Variants in MDFIC observed in about 807,000 individuals in gnomAD.
The protein encoded by MDFIC is myoD family inhibitor domain-containing protein.
MDFIC carries 17 observed loss-of-function variants against 23.2 expected under a neutral mutation model. The observed-to-expected ratio is 0.73, with a 90% CI of 0.50 to 1.10. MDFIC has a LOEUF of 1.10. Ranked by LOEUF, MDFIC falls within the 50% of genes least tolerant of loss-of-function variation. MDFIC has a pLI of 0.00. For synonymous variants in MDFIC, 120 were observed against 115.2 expected, an observed-to-expected ratio of 1.04 and a Z score of -0.27; for missense variants, 356 against 316.6, an observed-to-expected ratio of 1.12 and a Z score of -0.95.
chr7:114,952,152 G>A (rs533931379), intron 3 of MDFIC, among the ~76,000 whole-genome samples: 1 of 152,214 alleles, frequency 6.6e-6, no homozygotes, highest in Non-Finnish European at 1.5e-5. Flanking sequence ...CAGGAAAGAA[G>A]GAGTTTTTCT....
At chr7:114,934,808 C>T (rs1186329196) in intron 2 of MDFIC, among the ~76,000 whole-genome samples, 1 of 152,094 alleles carries the variant, frequency 6.6e-6, no homozygotes, top group Non-Finnish European at 1.5e-5. Context: ...TGTTTAAATG[C>T]TTTGGTTATC....
intron 3 of MDFIC, among the ~76,000 whole-genome samples, chr7:114,976,590 A>G (rs1793320273): frequency 6.6e-6 from 1 of 152,124 alleles, no homozygotes; most frequent in African/African-American, 2.4e-5. Context: ...TTACTTTTAG[A>G]CTATTATTCC....
chr7:115,012,180 A>G (rs985917551), intron 4 of MDFIC, among the ~76,000 whole-genome samples: 2 of 152,228 alleles, frequency 1.3e-5, no homozygotes, highest in Non-Finnish European at 2.9e-5. Flanking sequence ...ATCATTTAAC[A>G]AAGGACCAGT....
At chr7:114,999,544 G>A (rs1791416508) in intron 4 of MDFIC, among the ~76,000 whole-genome samples, 1 of 151,824 alleles carries the variant, frequency 6.6e-6, no homozygotes, top group Admixed American at 6.6e-5. Flanking sequence ...TACATATAGT[G>A]TTAAACTATT....
intron 3 of MDFIC, 95 bp downstream of exon 3, chr7:114,942,492 C>T (rs887138337): frequency 4.5e-5 from 43 of 958,264 alleles, no homozygotes; most frequent in South Asian, 7.4e-5. Context: ...GCTACAAATC[C>T]GTAAATCAAC....
chr7:114,935,509 G>A (rs1792407850), intron 2 of MDFIC, among the ~76,000 whole-genome samples: 1 of 139,312 alleles, frequency 7.2e-6, no homozygotes, highest in African/African-American at 2.5e-5. Flanking sequence ...TGGGTAACAA[G>A]TAGAAAATGT....
rs1312233825 is a variant in MDFIC at position 114,942,371 on chromosome 7, A to G, written c.191A>G (p.Asn64Ser). Residue 64 changes from asparagine to serine, a missense_variant, in exon 3 of 5, where the codon AAT becomes AGT. Coordinates refer to ENST00000393486, the MANE Select transcript of MDFIC (RefSeq NM_001166345.3). ...GEMQDQSIWGNPSDGELIRTQ... is the reference protein window; with the variant it reads ...GEMQDQSIWGSPSDGELIRTQ... Reference sequence around the variant, plus strand: ...ATGCAAGACCAGTCCATTTGGGGAAATCCTTCGGATGGTGAACTCATTAGA... The same window carrying G: ...ATGCAAGACCAGTCCATTTGGGGAAGTCCTTCGGATGGTGAACTCATTAGA... 4 of 1,602,038 alleles carry G rather than the reference A, an allele frequency of 2.5e-6. No homozygotes were observed. Among genetic ancestry groups the G allele is most frequent in the South Asian group, 1.1e-5 (1 of 88,306 alleles).
intron 3 of MDFIC, among the ~76,000 whole-genome samples, chr7:114,950,272 G>A (rs1406694117): frequency 3.9e-5 from 6 of 152,134 alleles, no homozygotes; most frequent in Non-Finnish European, 7.4e-5. Flanking sequence ...GGAGGAGATG[G>A]ATTCAGCTTT....
At chr7:114,951,646 A>G (rs903890511) in intron 3 of MDFIC, among the ~76,000 whole-genome samples, 6 of 151,454 alleles carry the variant, frequency 4.0e-5, no homozygotes, top group African/African-American at 1.5e-4. Context: ...AATATTCTGT[A>G]TTCTCTTTTC....
chr7:115,019,288 G>A lies in MDFIC; in HGVS notation c.*3353G>A, dbSNP rs569323674. On this transcript the variant is annotated 3_prime_UTR_variant, in exon 5 of 5. Transcript: ENST00000393486. ...AACAATACAGTATGACTTTATTTAG[G>A]AGAAGGCTTTTTATTTAGAAAATTA... 1.5e-4 allele frequency: 23 copies of A among 152,078 alleles called. No homozygotes were observed. Among genetic ancestry groups the A allele is most frequent in the Non-Finnish European group, 3.2e-4 (22 of 67,928 alleles). The allele number at this position is 152,078 out of a possible 1,614,324, so 9.4% of individuals were successfully genotyped here.
intron 4 of MDFIC, among the ~76,000 whole-genome samples, chr7:114,996,513 A>G (rs1481733366): frequency 6.6e-6 from 1 of 152,170 alleles, no homozygotes. Flanking sequence ...TGAGATACCC[A>G]TTATCTGTAC....
chr7:115,003,540 TA>T (rs1791506086), intron 4 of MDFIC, among the ~76,000 whole-genome samples: 1 of 152,216 alleles, frequency 6.6e-6, no homozygotes. Context: ...ACTTTCTTGA[TA>T]TTTCCTCAAA....
At chr7:114,942,824 A>C (rs1358831676) in intron 3 of MDFIC, among the ~76,000 whole-genome samples, 1 of 152,140 alleles carries the variant, frequency 6.6e-6, no homozygotes, top group Admixed American at 6.5e-5. Flanking sequence ...ACTGTTTGTT[A>C]AAAAAATTTT....
chr7:114,974,085 T>C (rs1275440523), intron 3 of MDFIC, among the ~76,000 whole-genome samples: 3 of 152,128 alleles, frequency 2.0e-5, no homozygotes, highest in East Asian at 1.9e-4. Flanking sequence ...ATAGGGTCCA[T>C]GTAGGGTCTC....
chr7:115,014,918 T>G (rs897025711), intron 4 of MDFIC, among the ~76,000 whole-genome samples: 8 of 152,188 alleles, frequency 5.3e-5, no homozygotes, highest in African/African-American at 1.9e-4. Context: ...AGAGAGGCAT[T>G]ACATTATTAG....
intron 4 of MDFIC, among the ~76,000 whole-genome samples, chr7:114,999,131 C>T (rs985864811): frequency 7.2e-5 from 11 of 152,124 alleles, no homozygotes; most frequent in African/African-American, 2.2e-4. Context: ...GTTTCATTTG[C>T]AAATTTTACA....
intron 3 of MDFIC, among the ~76,000 whole-genome samples, chr7:114,971,585 C>A (rs1563145600): frequency 6.6e-6 from 1 of 152,122 alleles, no homozygotes; most frequent in Non-Finnish European, 1.5e-5. Context: ...ACTTTGTGAC[C>A]TGTATTGCTT....
chr7:114,938,906 A>G (rs1467872766), intron 2 of MDFIC, among the ~76,000 whole-genome samples: 1 of 152,136 alleles, frequency 6.6e-6, no homozygotes, highest in African/African-American at 2.4e-5. Flanking sequence ...TGAAAAACCT[A>G]CTCTGATAAT....
chr7:114,978,557 T>C (rs528848566), intron 3 of MDFIC, among the ~76,000 whole-genome samples: 2 of 152,174 alleles, frequency 1.3e-5, no homozygotes, highest in Admixed American at 1.3e-4. Flanking sequence ...AAGAGTTATT[T>C]TTCTTGTTTA....
Sources: gnomAD v4.1 joint callset for allele counts (sites outside exome capture counted in the v4.1 genomes callset) on GRCh38, gnomAD v4.1.1 for gene constraint, MANE v1.5 for transcripts, NCBI Gene and HGNC (gene_info 2026-07-23, HGNC 2026-07-21) for gene names.